ANLN: variants seen among roughly 807,000 people sequenced by gnomAD.
The protein encoded by ANLN is anillin, actin binding protein, also known as anillin.
In ANLN, 59 loss-of-function variants were observed where a neutral mutation model predicts 135.1. The observed-to-expected ratio is 0.44, with a 90% CI of 0.35 to 0.54. The LOEUF (loss-of-function observed/expected upper bound fraction) is 0.54. Ranked by LOEUF, ANLN falls within the 20% of genes least tolerant of loss-of-function variation. The pLI, the probability that ANLN is intolerant of heterozygous loss-of-function variation, is 0.00. For synonymous variants in ANLN, 406 were observed against 456.4 expected (o/e 0.89, Z 1.41); for missense variants, 1,182 against 1,340.0 (o/e 0.88, Z 1.84).
At chr7:36,429,909 T>C (rs1051248031) in intron 20 of ANLN, among the ~76,000 whole-genome samples, 3 of 152,194 alleles carry the variant, frequency 2.0e-5, no homozygotes, top group African/African-American at 7.2e-5. Flanking sequence ...GCCAACCACA[T>C]GATTGAGTGC....
chr7:36,436,710 A>G (rs962439334), intron 20 of ANLN, among the ~76,000 whole-genome samples: 1 of 152,156 alleles, frequency 6.6e-6, no homozygotes, highest in African/African-American at 2.4e-5. Context: ...TTCCCTAATG[A>G]CTGTTGATGT....
intron 2 of ANLN, among the ~76,000 whole-genome samples, chr7:36,397,975 G>A (rs1786776802): frequency 6.6e-6 from 1 of 152,108 alleles, no homozygotes; most frequent in Non-Finnish European, 1.5e-5. Flanking sequence ...GTTTCATGAT[G>A]TATATTTACT....
chr7:36,399,585 C>T (rs1172361635), intron 3 of ANLN, among the ~76,000 whole-genome samples, 192 bp downstream of exon 3: 1 of 152,120 alleles, frequency 6.6e-6, no homozygotes, highest in African/African-American at 2.4e-5. Context: ...AAGTAGATCA[C>T]GATGTGGTTC....
rs368358480 is a variant in ANLN, at chr7:36,402,302, A to G, written c.487+2909A>G. ...AATTTTTTGTATTTTTAGTAGAGACAAGATTTCACCATGTTGGCCAGGCTG... is the reference window on the plus strand; with the variant it reads ...AATTTTTTGTATTTTTAGTAGAGACGAGATTTCACCATGTTGGCCAGGCTG... On this transcript the variant is annotated intron_variant, in intron 3 of 23. Coordinates refer to ENST00000265748, the MANE Select transcript of ANLN (RefSeq NM_018685.5). Among the ~76,000 whole-genome samples the G allele has an allele frequency of 2.4e-4, 13 of 54,752 alleles. 1 individual carries two copies. The highest frequency in any genetic ancestry group is 6.7e-4 in the South Asian group (2 of 2,976). The allele number at this position is 54,752 out of a possible 152,430, so 35.9% of individuals were successfully genotyped here. A position where few individuals can be genotyped will look rare whatever the true frequency, so the allele number is the denominator to read the frequency against.
intron 7 of ANLN, among the ~76,000 whole-genome samples, chr7:36,414,622 A>G (rs1787564964): frequency 6.6e-6 from 1 of 152,204 alleles, no homozygotes; most frequent in Non-Finnish European, 1.5e-5. Context: ...AATAGGGGGT[A>G]GTATTGAGGC....
chr7:36,433,016 A>G (rs1422127863), intron 20 of ANLN, among the ~76,000 whole-genome samples: 4 of 152,032 alleles, frequency 2.6e-5, no homozygotes, highest in African/African-American at 9.7e-5. Context: ...GGGTCTTGCT[A>G]TGTTTTCCAG....
intron 1 of ANLN, among the ~76,000 whole-genome samples, chr7:36,395,517 A>G (rs1786656479): frequency 1.3e-5 from 2 of 152,176 alleles, no homozygotes; most frequent in Non-Finnish European, 2.9e-5. Flanking sequence ...AAGATTCTTA[A>G]TCACATCAGT....
chr7:36,434,542 T>C (rs1469000139), intron 20 of ANLN, among the ~76,000 whole-genome samples: 2 of 152,240 alleles, frequency 1.3e-5, no homozygotes, highest in East Asian at 1.9e-4. Flanking sequence ...AATATTTTCT[T>C]ACATGTTTAG....
chr7:36,403,578 G>A (rs1355835887), intron 3 of ANLN: 1 of 152,288 alleles, frequency 6.6e-6, no homozygotes, highest in Non-Finnish European at 1.5e-5. Flanking sequence ...TCAGTTGAGT[G>A]AGTTAAGTGG....
At chr7:36,431,617 A>ATATAT (rs141380630) in intron 20 of ANLN, among the ~76,000 whole-genome samples, 2,976 of 66,900 alleles carry the variant, frequency 0.044, 229 homozygotes, top group Middle Eastern at 0.048. Flanking sequence ...ATATATATAT[A>ATATAT]ATATATATAT....
chr7:36,448,686 A>G (rs916784824), intron 22 of ANLN, among the ~76,000 whole-genome samples: 1 of 152,194 alleles, frequency 6.6e-6, no homozygotes, highest in African/African-American at 2.4e-5. Context: ...TTTTCAGACT[A>G]TTTAATGTAT....
intron 7 of ANLN, among the ~76,000 whole-genome samples, chr7:36,411,643 C>CT (rs1396503049): frequency 2.0e-5 from 3 of 152,170 alleles, no homozygotes; most frequent in African/African-American, 7.2e-5. Context: ...AAGCTGTGTT[C>CT]TGTTTAATTT....
chr7:36,443,099 A>G lies in ANLN; in HGVS notation c.2971-656A>G, dbSNP rs377749503. Among the ~76,000 whole-genome samples the G allele has an allele frequency of 3.2e-4, 48 of 152,314 alleles. No homozygotes were observed. In the East Asian group the frequency reaches 6.6e-3, roughly 21 times the overall value. On this transcript the variant is annotated intron_variant, in intron 21 of 23. Coordinates refer to ENST00000265748, the MANE Select transcript of ANLN (RefSeq NM_018685.5). ...CAAAACCAGATGTTATTAGTTGCCT[A>G]TTCTGGAGCCCTGTTTCTATCCAGC... is the stretch of plus-strand genomic sequence containing the variant.
intron 1 of ANLN, among the ~76,000 whole-genome samples, chr7:36,394,083 C>T (rs1414588524): frequency 6.6e-6 from 1 of 152,076 alleles, no homozygotes; most frequent in Non-Finnish European, 1.5e-5. Context: ...AGCCACCCCA[C>T]CCCCCAGGTA....
chr7:36,396,168 G>C lies in ANLN; in HGVS notation c.19-98G>C, dbSNP rs1786685832. 5.7e-6 allele frequency: 6 copies of C among 1,061,030 alleles called. No individual in the cohort carries two copies. The South Asian group carries it at 1.2e-4, about 22-fold the overall frequency. The allele number at this position is 1,061,030 out of a possible 1,614,324, so 65.7% of individuals were successfully genotyped here. On this transcript the variant is annotated intron_variant, in intron 1 of 23. Transcript: ENST00000265748. ...TTTCACTTTTGAAATGTGTTTAACT[G>C]TCATCCTGTATGGCAATTGGTGATT...
intron 5 of ANLN, among the ~76,000 whole-genome samples, chr7:36,408,314 G>A (rs1347442863): frequency 3.3e-5 from 5 of 152,176 alleles, no homozygotes; most frequent in Non-Finnish European, 5.9e-5. Context: ...GTGCAGAGCA[G>A]TGCTTCTCAA....
intron 23 of ANLN, among the ~76,000 whole-genome samples, 183 bp from the exon 24 acceptor site, chr7:36,452,294 A>C (rs1315344699): frequency 3.9e-5 from 6 of 152,186 alleles, no homozygotes; most frequent in Admixed American, 2.6e-4. Context: ...ACTGGGGATA[A>C]TTTTCCTCTG....
intron 2 of ANLN, among the ~76,000 whole-genome samples, chr7:36,397,603 A>C: frequency 6.6e-6 from 1 of 152,332 alleles, no homozygotes; most frequent in East Asian, 1.9e-4. Context: ...AGTTTCAAAA[A>C]TAAAAAAAGG....
chr7:36,420,618 A>G lies in ANLN; in HGVS notation c.2037A>G (p.Gln679=), dbSNP rs377185897. 1.9e-6 allele frequency: 3 copies of G among 1,613,410 alleles called. No individual in the cohort carries two copies. The African/African-American group carries it at 4.0e-5, about 22-fold the overall frequency. Residue 679 remains glutamine (Q), a synonymous_variant, in exon 12 of 24, where the codon CAA becomes CAG. Coordinates refer to ENST00000265748, the MANE Select transcript of ANLN (RefSeq NM_018685.5). ...GAAGCATTGATGCATATAGATCTCA[A>G]AGATTCAAAGAAACAGAACGTCCAT... ...LLYSIDAYRS[Q]RFKETERPSI...
Sources: gnomAD v4.1 joint callset for allele counts (sites outside exome capture counted in the v4.1 genomes callset) on GRCh38, gnomAD v4.1.1 for gene constraint, MANE v1.5 for transcripts, NCBI Gene and HGNC (gene_info 2026-07-23, HGNC 2026-07-21) for gene names.